Variants in TEX11 observed in about 807,000 individuals in gnomAD.
The protein encoded by TEX11 is testis expressed 11, also known as testis-expressed protein 11.
In TEX11, 7 loss-of-function variants were observed where a neutral mutation model predicts 84.4. The observed-to-expected ratio is 0.08, with a 90% CI of 0.05 to 0.16. The LOEUF (loss-of-function observed/expected upper bound fraction) is 0.16. Ranked by LOEUF, TEX11 falls within the 10% of genes least tolerant of loss-of-function variation. The pLI is 1.00. For synonymous variants in TEX11, 264 were observed against 222.8 expected (o/e 1.18, Z -1.64); for missense variants, 551 against 660.5 (o/e 0.83, Z 1.82).
chrX:70,865,905 A>T (rs2091596605), intron 4 of TEX11, among the ~76,000 whole-genome samples: 1 of 111,968 alleles, frequency 8.9e-6, no homozygotes, highest in Non-Finnish European at 1.9e-5. Context: ...TAAGTGGGAA[A>T]TTTACAGCAC....
chrX:70,873,422 C>A, intron 3 of TEX11, 115 bp from the exon 4 acceptor site: 1 of 517,027 alleles, frequency 1.9e-6, no homozygotes, highest in East Asian at 3.6e-5. Context: ...TCCAGGCCCT[C>A]CATAATCTAG....
chrX:70,564,910 G>C (rs1488567349), intron 25 of TEX11, among the ~76,000 whole-genome samples: 14 of 109,726 alleles, frequency 1.3e-4, no homozygotes, highest in African/African-American at 4.6e-4. Flanking sequence ...AGTCCTTTGG[G>C]TATATACCCA....
downstream of TEX11, among the ~76,000 whole-genome samples, chrX:70,525,983 G>C: frequency 9.0e-6 from 1 of 111,499 alleles, no homozygotes; most frequent in Non-Finnish European, 1.9e-5. Context: ...AGGGCCTGGT[G>C]GCAGGTTCAG....
In TEX11 at chrX:70,553,462, T is replaced by C. The variant is rs778849110; in HGVS notation, c.2291-48A>G. On this transcript the variant is annotated intron_variant, in intron 26 of 29. Transcript: ENST00000374333. ...GTTGTGAACATGATAATGTCACCCA[T>C]CACAGTTTTCATCCCAGGCTACCAC... 6.9e-5 allele frequency: 61 copies of C among 886,770 alleles called. No individual in the cohort carries two copies. In the East Asian group the frequency reaches 1.3e-3, roughly 19 times the overall value. The allele number at this position is 886,770 out of a possible 1,213,427, so 73.1% of individuals were successfully genotyped here. A position where few individuals can be genotyped will look rare whatever the true frequency, so the allele number is the denominator to read the frequency against.
chrX:70,617,975 T>C (rs938871341), intron 20 of TEX11, among the ~76,000 whole-genome samples: 2 of 112,269 alleles, frequency 1.8e-5, no homozygotes, highest in African/African-American at 6.5e-5. Context: ...AAAGAGCTGC[T>C]TAATTTATGC....
chrX:70,555,571 C>A, intron 25 of TEX11, among the ~76,000 whole-genome samples: 1 of 111,901 alleles, frequency 8.9e-6, no homozygotes, highest in Non-Finnish European at 1.9e-5. Context: ...ACCAAGGTAG[C>A]AACTATCTTT....
chrX:70,814,563 C>T (rs2091276542), intron 8 of TEX11, among the ~76,000 whole-genome samples: 1 of 112,432 alleles, frequency 8.9e-6, no homozygotes, highest in Admixed American at 9.4e-5. Context: ...GAGAAATGTA[C>T]AGAATATTTA....
At chrX:70,582,182 A>G (rs1429933181) in intron 25 of TEX11, among the ~76,000 whole-genome samples, 1 of 112,025 alleles carries the variant, frequency 8.9e-6, no homozygotes, top group South Asian at 3.7e-4. Context: ...CTAATGCCCA[A>G]CTTAATAGAA....
intron 9 of TEX11, among the ~76,000 whole-genome samples, chrX:70,767,057 C>T (rs377723489): frequency 9.0e-6 from 1 of 111,483 alleles, no homozygotes; most frequent in Admixed American, 9.6e-5. Context: ...TCAGTCTGGG[C>T]AAAGATTTCT....
At chrX:70,526,366 C>T (rs1390737418), downstream of TEX11, among the ~76,000 whole-genome samples, 2 of 110,393 alleles carry the variant, frequency 1.8e-5, no homozygotes, top group Non-Finnish European at 3.8e-5. Flanking sequence ...GTCAGGAGTT[C>T]GAGACTAGCC....
At chrX:70,787,380 G>A (rs960160474) in intron 9 of TEX11, among the ~76,000 whole-genome samples, 3 of 107,417 alleles carry the variant, frequency 2.8e-5, no homozygotes, top group Non-Finnish European at 1.9e-5. Flanking sequence ...CACCAGGTTG[G>A]AGTGCAGTGG....
intron 2 of TEX11, among the ~76,000 whole-genome samples, chrX:70,906,463 T>C (rs916564524): frequency 1.3e-4 from 14 of 110,828 alleles, no homozygotes; most frequent in Non-Finnish European, 2.3e-4. Context: ...TTAAAGTAGA[T>C]AGTAGCAGGC....
chrX:70,652,133 G>A (rs1680580972), intron 16 of TEX11, among the ~76,000 whole-genome samples: 1 of 110,769 alleles, frequency 9.0e-6, no homozygotes, highest in South Asian at 3.9e-4. Flanking sequence ...TGGGGTGGAG[G>A]GAAACAATCC....
At chrX:70,576,048 A>G (rs2088669599) in intron 25 of TEX11, among the ~76,000 whole-genome samples, 1 of 112,125 alleles carries the variant, frequency 8.9e-6, no homozygotes, top group Admixed American at 9.5e-5. Context: ...TCCACAATAC[A>G]TAGTAGTCCT....
At chrX:70,842,161 T>A (rs1397694831) in intron 7 of TEX11, among the ~76,000 whole-genome samples, 3 of 110,884 alleles carry the variant, frequency 2.7e-5, no homozygotes, top group Admixed American at 9.7e-5. Context: ...TACCAAAGCC[T>A]GGCAGAGACA....
intron 8 of TEX11, among the ~76,000 whole-genome samples, chrX:70,807,641 A>G (rs1306589553): frequency 3.6e-5 from 4 of 111,597 alleles, no homozygotes; most frequent in Non-Finnish European, 7.5e-5. Context: ...AAGACTACAG[A>G]AGCAGATCCT....
intron 13 of TEX11, among the ~76,000 whole-genome samples, chrX:70,686,535 G>C (rs183221203): frequency 9.1e-6 from 1 of 110,444 alleles, no homozygotes; most frequent in Non-Finnish European, 1.9e-5. Flanking sequence ...GGAGCCTGTC[G>C]GGAGGTGAGG....
At chrX:70,714,063 C>G (rs1038822614) in intron 13 of TEX11, among the ~76,000 whole-genome samples, 5 of 111,796 alleles carry the variant, frequency 4.5e-5, no homozygotes, top group South Asian at 7.5e-4. Context: ...AGTAGTCATT[C>G]AGGAGCAGGT....
At chrX:70,841,036 C>T (rs1379347440) in intron 7 of TEX11, among the ~76,000 whole-genome samples, 1 of 111,025 alleles carries the variant, frequency 9.0e-6, no homozygotes, top group African/African-American at 3.3e-5. Flanking sequence ...TAATGGGAGA[C>T]TTTAACACCC....
Sources: allele counts gnomAD v4.1 joint callset (sites outside exome capture counted in the v4.1 genomes callset), GRCh38; gene constraint gnomAD v4.1.1; transcripts MANE v1.5; gene names NCBI Gene and HGNC (gene_info 2026-07-23, HGNC 2026-07-21).